SLAMF6: variants seen among roughly 807,000 people sequenced by gnomAD.
SLAMF6 encodes the protein SLAM family member 6.
A neutral mutation model predicts 38.3 loss-of-function variants in SLAMF6; 21 were observed. That is an observed-to-expected ratio of 0.55 (90% CI 0.39 to 0.79). SLAMF6 has a LOEUF of 0.79. SLAMF6 is among the 30% of genes least tolerant of loss of function. The pLI is 0.00. For synonymous variants in SLAMF6, 152 were observed against 146.3 expected, an observed-to-expected ratio of 1.04 and a Z score of -0.28; for missense variants, 341 against 385.3, an observed-to-expected ratio of 0.89 and a Z score of 0.96.
intron 2 of SLAMF6, among the ~76,000 whole-genome samples, chr1:160,493,963 C>G (rs1022298919): frequency 3.3e-5 from 5 of 152,060 alleles, no homozygotes; most frequent in Non-Finnish European, 5.9e-5. Context: ...ATCAAATCAC[C>G]ACCCACCAGG....
intron 6 of SLAMF6, among the ~76,000 whole-genome samples, chr1:160,487,390 C>G (rs538818646): frequency 1.3e-5 from 2 of 152,216 alleles, no homozygotes; most frequent in East Asian, 1.9e-4. Context: ...AACAGCAACA[C>G]TGCAGCAAAC....
intron 4 of SLAMF6, 100 bp downstream of exon 4, chr1:160,490,475 T>A: frequency 6.7e-7 from 1 of 1,500,808 alleles, no homozygotes; most frequent in Non-Finnish European, 9.0e-7. Context: ...CCTCCCTCCC[T>A]CCTCCTGTCT....
intron 1 of SLAMF6, among the ~76,000 whole-genome samples, chr1:160,514,793 T>C (rs556100905): frequency 6.6e-6 from 1 of 152,320 alleles, no homozygotes; most frequent in South Asian, 2.1e-4. Flanking sequence ...AAGCAAGAAG[T>C]TCTTTGAAAC....
In SLAMF6 at chr1:160,496,166, A is replaced by G; in HGVS notation, c.277T>C (p.Ser93Pro). 6.2e-7 allele frequency: 1 copy of G among 1,613,954 alleles called. No individual in the cohort carries two copies. Among genetic ancestry groups the G allele is most frequent in the Non-Finnish European group, 8.5e-7 (1 of 1,179,940 alleles). ...ATCTTCAGGTTGCTGAGTTGCAGGGAGTAGGACTGGGTGAAGTTCAGTCGC... is the reference window on the plus strand; with the variant it reads ...ATCTTCAGGTTGCTGAGTTGCAGGGGGTAGGACTGGGTGAAGTTCAGTCGC... Reference protein sequence around the residue: ...GKRLNFTQSYSLQLSNLKMED... With the variant: ...GKRLNFTQSYPLQLSNLKMED... Residue 93 changes from serine (S) to proline (P), a missense_variant, in exon 2 of 8, where the codon TCC becomes CCC. Ser to Pro is a moderately conservative substitution (Grantham distance 74). Coordinates refer to ENST00000368057, the MANE Select transcript of SLAMF6 (RefSeq NM_001184714.2).
At chr1:160,506,171 T>C (rs1022076302) in intron 1 of SLAMF6, among the ~76,000 whole-genome samples, 3 of 152,062 alleles carry the variant, frequency 2.0e-5, no homozygotes, top group Admixed American at 6.6e-5. Context: ...AGAAAGTCAA[T>C]GAACTCCAAG....
At chr1:160,503,985 T>C (rs867194949) in intron 1 of SLAMF6, among the ~76,000 whole-genome samples, 1 of 121,300 alleles carries the variant, frequency 8.2e-6, no homozygotes, top group Non-Finnish European at 1.6e-5. Context: ...GCCATTGCAC[T>C]CCAGCCTGGG....
intron 2 of SLAMF6, among the ~76,000 whole-genome samples, chr1:160,492,892 A>G (rs757106268): frequency 6.6e-6 from 1 of 152,040 alleles, no homozygotes; most frequent in Non-Finnish European, 1.5e-5. Context: ...ACTTCTCACC[A>G]TCTCCACTGC....
chr1:160,497,207 C>T (rs1196757005), intron 1 of SLAMF6, among the ~76,000 whole-genome samples: 1 of 152,074 alleles, frequency 6.6e-6, no homozygotes, highest in African/African-American at 2.4e-5. Flanking sequence ...CACATGATGG[C>T]CACATTCTTG....
intron 1 of SLAMF6, among the ~76,000 whole-genome samples, chr1:160,501,727 C>T (rs1417491825): frequency 6.7e-6 from 1 of 148,862 alleles, no homozygotes; most frequent in Non-Finnish European, 1.5e-5. Flanking sequence ...CTGCTTTTCC[C>T]TCTGCTTAAA....
chr1:160,494,374 A>AT (rs537571550), intron 2 of SLAMF6, among the ~76,000 whole-genome samples: 33 of 152,092 alleles, frequency 2.2e-4, no homozygotes, highest in Non-Finnish European at 4.1e-4. Flanking sequence ...CCTGGTACCC[A>AT]TTTCAGGCTT....
At chr1:160,512,906 A>C (rs985058879) in intron 1 of SLAMF6, among the ~76,000 whole-genome samples, 2 of 152,230 alleles carry the variant, frequency 1.3e-5, no homozygotes, top group Non-Finnish European at 2.9e-5. Context: ...GGAAGATGAG[A>C]AAGAATCAAT....
chr1:160,495,162 C>G (rs1422725916), intron 2 of SLAMF6, among the ~76,000 whole-genome samples: 1 of 152,060 alleles, frequency 6.6e-6, no homozygotes, highest in Non-Finnish European at 1.5e-5. Context: ...ATGTCTTAAC[C>G]CAAAGGACTC....
intron 1 of SLAMF6, among the ~76,000 whole-genome samples, chr1:160,497,722 A>G (rs1227519777): frequency 5.3e-5 from 8 of 152,038 alleles, no homozygotes; most frequent in Non-Finnish European, 1.2e-4. Flanking sequence ...TATAAGTGAG[A>G]GCATGTAGTA....
At chr1:160,491,412 C>A in intron 2 of SLAMF6, 24 bp from the exon 3 acceptor site, 2 of 1,600,006 alleles carry the variant, frequency 1.3e-6, no homozygotes, top group South Asian at 2.2e-5. Context: ...AAAAAAAGAT[C>A]CAGATTAAGG....
intron 1 of SLAMF6, among the ~76,000 whole-genome samples, chr1:160,503,732 T>C (rs529332442): frequency 6.6e-6 from 1 of 152,128 alleles, no homozygotes; most frequent in Admixed American, 6.5e-5. Flanking sequence ...GCAAACATTG[T>C]CAGAATCAAC....
chr1:160,493,103 C>A (rs1414004886), intron 2 of SLAMF6, among the ~76,000 whole-genome samples: 2 of 152,180 alleles, frequency 1.3e-5, no homozygotes, highest in African/African-American at 2.4e-5. Flanking sequence ...AGAGTAGATG[C>A]CAAAGTCTTT....
At chr1:160,512,778 T>C (rs1654550505) in intron 1 of SLAMF6, among the ~76,000 whole-genome samples, 1 of 151,710 alleles carries the variant, frequency 6.6e-6, no homozygotes, top group South Asian at 2.1e-4. Flanking sequence ...CAAAAGAGGG[T>C]CCTGTCTGCT....
chr1:160,491,147 G>A lies in SLAMF6; in HGVS notation c.624C>T (p.Val208=). ...ENAVSNLSFS[V]SAQKLCEDVK... ...TACCTTCGCAAAGCTTCTGGGCAGA[G>A]ACAGAGAAGGATAAATTACTGACAG... The change falls in exon 3 of 8, where the codon GTC becomes GTT. Residue 208 remains valine, a synonymous_variant. Coordinates refer to ENST00000368057, the MANE Select transcript of SLAMF6 (RefSeq NM_001184714.2). 1 of 1,613,926 alleles carries A rather than the reference G, an allele frequency of 6.2e-7. No individual in the cohort carries two copies. Among genetic ancestry groups the A allele is most frequent in the Non-Finnish European group, 8.5e-7 (1 of 1,179,966 alleles).
intron 1 of SLAMF6, among the ~76,000 whole-genome samples, chr1:160,498,193 A>C (rs1196165674): frequency 6.6e-6 from 1 of 152,018 alleles, no homozygotes; most frequent in East Asian, 1.9e-4. Flanking sequence ...ATTCTGAAAG[A>C]ATGAAGGGTC....
Sources: allele counts gnomAD v4.1 joint callset (sites outside exome capture counted in the v4.1 genomes callset), GRCh38; gene constraint gnomAD v4.1.1; transcripts MANE v1.5; gene names NCBI Gene and HGNC (gene_info 2026-07-23, HGNC 2026-07-21).